The following ARHGAP6 variants were observed in gnomAD, a reference collection of about 807,000 sequenced individuals.
ARHGAP6 encodes rho GTPase-activating protein 6.
ARHGAP6 carries 16 observed loss-of-function variants against 55.7 expected under a neutral mutation model. The observed-to-expected ratio is 0.29, with a 90% confidence interval of 0.19 to 0.44. The LOEUF (loss-of-function observed/expected upper bound fraction) is 0.44, where lower values mean the gene tolerates loss of function less well. Ranked by LOEUF, ARHGAP6 falls within the 20% of genes least tolerant of loss-of-function variation. ARHGAP6 has a pLI of 1.00. For missense variants in ARHGAP6, 698 were observed against 808.9 expected (o/e 0.86, Z 1.66); for synonymous variants, 382 against 360.9 (o/e 1.06, Z -0.66).
chrX:11,602,059 T>C (rs1460275375), intron 1 of ARHGAP6, among the ~76,000 whole-genome samples: 1 of 111,381 alleles, frequency 9.0e-6, no homozygotes, highest in Admixed American at 9.6e-5. Context: ...TGATTAAGGA[T>C]GAAAAAAGAA....
intron 1 of ARHGAP6, among the ~76,000 whole-genome samples, chrX:11,355,942 A>G (rs5935026): frequency 0.061 from 6,772 of 111,207 alleles, 226 homozygotes; most frequent in African/African-American, 0.13. Flanking sequence ...AAACTTTGGA[A>G]TTTTACTCAA....
At chrX:11,243,005 T>C (rs571965392) in intron 2 of ARHGAP6, among the ~76,000 whole-genome samples, 127 of 112,170 alleles carry the variant, frequency 1.1e-3, no homozygotes, top group African/African-American at 3.2e-3. Context: ...CCATATGCTA[T>C]GGAAACACTA....
chrX:11,632,935 G>A (rs1230004575), intron 1 of ARHGAP6, among the ~76,000 whole-genome samples: 2 of 111,869 alleles, frequency 1.8e-5, no homozygotes, highest in Non-Finnish European at 1.9e-5. Flanking sequence ...AAGTGCCTGA[G>A]ACACTTAGCC....
chrX:11,251,342 A>G lies in ARHGAP6; in HGVS notation c.748+3206T>C, dbSNP rs758072665. Among the ~76,000 whole-genome samples, 12 of 112,135 alleles carry G rather than the reference A, an allele frequency of 1.1e-4. No homozygotes were observed. In the South Asian group the frequency reaches 4.5e-3, roughly 42 times the overall value. ...TGCCCATCTATCATTATAGTGTAAA[A>G]GAAGGTCAAACCCTCCACTTGTGCT... is the stretch of plus-strand genomic sequence containing the variant. On this transcript the variant is annotated intron_variant, in intron 2 of 12. Transcript: ENST00000337414.
intron 1 of ARHGAP6, among the ~76,000 whole-genome samples, chrX:11,578,400 C>T (rs945939684): frequency 6.2e-5 from 7 of 112,347 alleles, no homozygotes; most frequent in African/African-American, 2.3e-4. Flanking sequence ...CAAAAGAAGA[C>T]ATTTATGCAG....
chrX:11,201,022 T>C (rs1422851256), intron 2 of ARHGAP6, among the ~76,000 whole-genome samples: 1 of 111,927 alleles, frequency 8.9e-6, no homozygotes, highest in African/African-American at 3.3e-5. Context: ...ATCTGGTTGG[T>C]AGTAACATGC....
intron 9 of ARHGAP6, among the ~76,000 whole-genome samples, chrX:11,158,598 A>G (rs185536065): frequency 8.9e-6 from 1 of 112,587 alleles, no homozygotes; most frequent in Non-Finnish European, 1.9e-5. Flanking sequence ...GGTTGTCAGA[A>G]TGCCATGGTC....
chrX:11,416,616 A>G (rs1159925649), intron 1 of ARHGAP6, among the ~76,000 whole-genome samples: 2 of 111,032 alleles, frequency 1.8e-5, no homozygotes, highest in African/African-American at 6.6e-5. Context: ...CCTTTCCCCA[A>G]GAGAGGTCTA....
intron 1 of ARHGAP6, among the ~76,000 whole-genome samples, chrX:11,473,146 C>T (rs2050365138): frequency 9.0e-6 from 1 of 111,052 alleles, no homozygotes; most frequent in Admixed American, 9.6e-5. Context: ...TTATAGAAAC[C>T]CAAGAATTAT....
At chrX:11,580,969 G>C (rs1039598625) in intron 1 of ARHGAP6, among the ~76,000 whole-genome samples, 1 of 112,308 alleles carries the variant, frequency 8.9e-6, no homozygotes, top group African/African-American at 3.2e-5. Context: ...GGTTCCCCAA[G>C]GGACCTAAGT....
intron 4 of ARHGAP6, 50 bp from the exon 5 acceptor site, chrX:11,186,481 C>T (rs1205287331): frequency 2.0e-6 from 2 of 1,009,404 alleles, no homozygotes; most frequent in Non-Finnish European, 2.8e-6. Flanking sequence ...GCCAAAAAAC[C>T]CAGCTGCCCC....
chrX:11,621,143 T>C (rs761763693), intron 1 of ARHGAP6, among the ~76,000 whole-genome samples: 106 of 110,234 alleles, frequency 9.6e-4, no homozygotes, highest in Admixed American at 1.9e-3. Flanking sequence ...AGAGAGAAAG[T>C]GGGTGAGAGA....
intron 2 of ARHGAP6, among the ~76,000 whole-genome samples, chrX:11,217,077 GA>G (rs1273086799): frequency 8.9e-6 from 1 of 112,109 alleles, no homozygotes; most frequent in Non-Finnish European, 1.9e-5. Flanking sequence ...AGTATTCCAT[GA>G]TGTATATATG....
At chrX:11,204,914 T>C (rs904313109) in intron 2 of ARHGAP6, among the ~76,000 whole-genome samples, 11 of 112,175 alleles carry the variant, frequency 9.8e-5, no homozygotes, top group African/African-American at 2.6e-4. Context: ...AGAGTGAACA[T>C]TGATCTATAA....
At chrX:11,250,782 G>A (rs1418537534) in intron 2 of ARHGAP6, among the ~76,000 whole-genome samples, 1 of 111,023 alleles carries the variant, frequency 9.0e-6, no homozygotes, top group Non-Finnish European at 1.9e-5. Context: ...CCTATCTCAA[G>A]GACCTTAACT....
intron 1 of ARHGAP6, among the ~76,000 whole-genome samples, chrX:11,378,233 T>C (rs1473020990): frequency 8.9e-6 from 1 of 112,618 alleles, no homozygotes; most frequent in Admixed American, 9.3e-5. Context: ...TATTGATATA[T>C]ATTTCACATA....
chrX:11,479,960 G>A (rs145496925), intron 1 of ARHGAP6, among the ~76,000 whole-genome samples: 1,151 of 111,609 alleles, frequency 0.01, 3 homozygotes, highest in Non-Finnish European at 0.017. Flanking sequence ...TAGGGTGGGA[G>A]CAGGATACTG....
intron 8 of ARHGAP6, among the ~76,000 whole-genome samples, chrX:11,173,673 CA>C: frequency 1.8e-5 from 2 of 112,092 alleles, no homozygotes; most frequent in Middle Eastern, 9.3e-3. Flanking sequence ...TATTTTTTCC[CA>C]AAAAAGCACT....
At chrX:11,609,495 G>C (rs1283434847) in intron 1 of ARHGAP6, among the ~76,000 whole-genome samples, 1 of 111,438 alleles carries the variant, frequency 9.0e-6, no homozygotes, top group Non-Finnish European at 1.9e-5. Context: ...ACATTTTCAG[G>C]TTGCCGCTAT....
Sources: allele counts gnomAD v4.1 joint callset (sites outside exome capture counted in the v4.1 genomes callset), GRCh38; gene constraint gnomAD v4.1.1; transcripts MANE v1.5; gene names NCBI Gene and HGNC (gene_info 2026-07-23, HGNC 2026-07-21).